The following PCDHA12 variants were observed in gnomAD, a reference collection of about 807,000 sequenced individuals.
PCDHA12 encodes protocadherin alpha 12, also known as protocadherin alpha-12.
PCDHA12 carries 44 observed loss-of-function variants against 60.0 expected under a neutral mutation model. That is an observed-to-expected ratio of 0.73 (90% CI 0.58 to 0.94). The LOEUF is 0.94. Among genes scored for constraint, PCDHA12 ranks in the 40% least tolerant of loss-of-function variants. PCDHA12 has a pLI of 0.00. For synonymous variants in PCDHA12, 569 were observed against 553.0 expected, an observed-to-expected ratio of 1.03 and a Z score of -0.40; for missense variants, 1,276 against 1,239.7, an observed-to-expected ratio of 1.03 and a Z score of -0.44.
chr5:140,924,830 G>A (rs1240824600), intron 1 of PCDHA12, among the ~76,000 whole-genome samples: 1 of 151,612 alleles, frequency 6.6e-6, no homozygotes, highest in African/African-American at 2.4e-5. Flanking sequence ...GGGAGGGGGA[G>A]GTTGCAGGGA....
At chr5:140,999,993 G>A (rs529237834) in intron 3 of PCDHA12, among the ~76,000 whole-genome samples, 1 of 152,114 alleles carries the variant, frequency 6.6e-6, no homozygotes, top group African/African-American at 2.4e-5. Flanking sequence ...CTGGGTAGTG[G>A]TATTAGATTG....
At position 140,877,501 on chromosome 5, in the gene PCDHA12, A is replaced by T; in HGVS notation, c.2029A>T (p.Lys677Ter). 1 of 1,613,804 alleles carries T rather than the reference A, an allele frequency of 6.2e-7. No homozygotes were observed. The highest frequency in any genetic ancestry group is 8.5e-7 in the Non-Finnish European group (1 of 1,179,862). ...GCTGGTGGAGAACGGCCAGGCCCCA[A>T]AGACGTCGTCGCGGGCCTCAGTGGG... The part of the protein sequence containing the change: ...VSLVENGQAP[K>*]TSSRASVGAV... The change falls in exon 1 of 4, where the codon AAG (lysine) becomes TAG (stop). Residue 677 changes from lysine (K) to a stop codon, truncating the protein, a stop_gained. Coordinates refer to ENST00000398631, the MANE Select transcript of PCDHA12 (RefSeq NM_018903.4). LOFTEE classifies it high-confidence loss of function.
chr5:140,899,609 A>G (rs898089235), intron 1 of PCDHA12, among the ~76,000 whole-genome samples: 12 of 152,104 alleles, frequency 7.9e-5, no homozygotes, highest in Non-Finnish European at 1.6e-4. Context: ...CTTTTGCATC[A>G]ATGTTCATCA....
chr5:140,985,202 G>A (rs1554246846), intron 3 of PCDHA12, among the ~76,000 whole-genome samples: 1 of 152,204 alleles, frequency 6.6e-6, no homozygotes, highest in Non-Finnish European at 1.5e-5. Flanking sequence ...CTCCCAAAGT[G>A]TTGGGATTAC....
chr5:140,969,351 G>A (rs1554231714), intron 1 of PCDHA12: 1 of 1,612,990 alleles, frequency 6.2e-7, no homozygotes, highest in Non-Finnish European at 8.5e-7. Flanking sequence ...TGGTCAGGGG[G>A]TCTTCTACAA....
At chr5:140,997,118 C>A (rs1319289091) in intron 3 of PCDHA12, among the ~76,000 whole-genome samples, 24 of 152,088 alleles carry the variant, frequency 1.6e-4, no homozygotes, top group Non-Finnish European at 3.1e-4. Context: ...TGCTCTCCCA[C>A]ATACACAATG....
intron 1 of PCDHA12, among the ~76,000 whole-genome samples, chr5:140,909,417 G>A (rs1016868783): frequency 2.0e-5 from 3 of 152,156 alleles, no homozygotes; most frequent in Non-Finnish European, 1.5e-5. Flanking sequence ...TTACCATTTG[G>A]TTAAACTTAT....
chr5:140,941,527 G>A (rs1324655767), intron 1 of PCDHA12, among the ~76,000 whole-genome samples: 1 of 151,580 alleles, frequency 6.6e-6, no homozygotes, highest in African/African-American at 2.4e-5. Flanking sequence ...ATCTTGACCA[G>A]GCTGGTCTTG....
At chr5:140,967,809 A>G in intron 1 of PCDHA12, 1 of 1,614,190 alleles carries the variant, frequency 6.2e-7, no homozygotes. Flanking sequence ...ATGGCAGGTC[A>G]CTGCAAGGTG....
At chr5:140,968,992 T>C in intron 1 of PCDHA12, 1 of 1,614,220 alleles carries the variant, frequency 6.2e-7, no homozygotes, top group Non-Finnish European at 8.5e-7. Flanking sequence ...CTGCATGCTG[T>C]GGAGGCTTCT....
intron 1 of PCDHA12, among the ~76,000 whole-genome samples, chr5:140,899,785 A>C (rs1460475621): frequency 6.6e-6 from 1 of 152,166 alleles, no homozygotes; most frequent in African/African-American, 2.4e-5. Flanking sequence ...CTCTGGTATA[A>C]TTCGGCTGTG....
intron 1 of PCDHA12, among the ~76,000 whole-genome samples, chr5:140,896,910 T>C (rs1174063416): frequency 1.3e-5 from 2 of 152,208 alleles, no homozygotes; most frequent in Non-Finnish European, 2.9e-5. Context: ...AAGCATGCAA[T>C]GCACAATAAT....
intron 3 of PCDHA12, among the ~76,000 whole-genome samples, chr5:140,987,362 A>G (rs1490856237): frequency 6.6e-6 from 1 of 152,208 alleles, no homozygotes; most frequent in Non-Finnish European, 1.5e-5. Flanking sequence ...AGGTTGTCTT[A>G]TATCATTACA....
intron 1 of PCDHA12, among the ~76,000 whole-genome samples, chr5:140,975,935 C>T (rs1351802479): frequency 6.6e-6 from 1 of 152,060 alleles, no homozygotes; most frequent in East Asian, 1.9e-4. Flanking sequence ...ACCTTTGAAG[C>T]AATAGGACAT....
chr5:140,885,410 G>A (rs1203684049), intron 1 of PCDHA12, among the ~76,000 whole-genome samples: 3 of 152,088 alleles, frequency 2.0e-5, no homozygotes, highest in Non-Finnish European at 4.4e-5. Flanking sequence ...TTTAATAGCT[G>A]TGTAGTATTC....
intron 1 of PCDHA12, chr5:140,969,060 A>T (rs2096292130): frequency 6.2e-7 from 1 of 1,614,012 alleles, no homozygotes. Context: ...AACAATATTG[A>T]TGCCAGGATA....
intron 1 of PCDHA12, among the ~76,000 whole-genome samples, chr5:140,934,664 T>G (rs1268113575): frequency 1.3e-5 from 2 of 152,176 alleles, no homozygotes; most frequent in Admixed American, 6.5e-5. Flanking sequence ...TCTTCCCCTT[T>G]GTTTAGCAGT....
At chr5:140,912,125 T>C (rs1197015933) in intron 1 of PCDHA12, among the ~76,000 whole-genome samples, 1 of 152,160 alleles carries the variant, frequency 6.6e-6, no homozygotes, top group East Asian at 1.9e-4. Flanking sequence ...GCTAAGTCAG[T>C]CTAATCTCTC....
intron 1 of PCDHA12, among the ~76,000 whole-genome samples, chr5:140,926,128 C>CGCAGCAGGATCCAGCGCGGAAAGCTCT (rs1157627097): frequency 6.6e-6 from 1 of 152,162 alleles, no homozygotes; most frequent in Non-Finnish European, 1.5e-5. Context: ...GACTTCAACC[C>CGCAGCAGGATCCAGCGCGGAAAGCTCT]GCAGCAGGAT....
Sources: allele counts gnomAD v4.1 joint callset (sites outside exome capture counted in the v4.1 genomes callset), GRCh38; gene constraint gnomAD v4.1.1; transcripts MANE v1.5; gene names NCBI Gene and HGNC (gene_info 2026-07-23, HGNC 2026-07-21).